The following TRABD2B variants were observed in gnomAD, a reference collection of about 807,000 sequenced individuals.
TRABD2B encodes the protein TraB domain containing 2B, also known as metalloprotease TIKI2.
A neutral mutation model predicts 40.1 loss-of-function variants in TRABD2B; 14 were observed. The observed-to-expected ratio is 0.35, with a 90% confidence interval of 0.23 to 0.55. The LOEUF (loss-of-function observed/expected upper bound fraction) is 0.55, where lower values mean the gene tolerates loss of function less well. Ranked by LOEUF, TRABD2B falls within the 20% of genes least tolerant of loss-of-function variation. TRABD2B has a pLI of 0.90. For missense variants in TRABD2B, 541 were observed against 648.6 expected (o/e 0.83, Z 1.80); for synonymous variants, 263 against 277.0 (o/e 0.95, Z 0.50).
At chr1:47,900,808 C>T (rs963908209) in intron 2 of TRABD2B, among the ~76,000 whole-genome samples, 2 of 152,126 alleles carry the variant, frequency 1.3e-5, no homozygotes, top group African/African-American at 4.8e-5. Flanking sequence ...GACCACAGGA[C>T]AGCATTTTTG....
intron 3 of TRABD2B, among the ~76,000 whole-genome samples, chr1:47,800,318 C>G (rs1644805365): frequency 6.6e-6 from 1 of 152,110 alleles, no homozygotes; most frequent in African/African-American, 2.4e-5. Flanking sequence ...TGGTTGGGGC[C>G]AGCCTCACTG....
intron 2 of TRABD2B, among the ~76,000 whole-genome samples, chr1:47,824,114 G>T (rs6668378): frequency 2.6e-5 from 4 of 152,006 alleles, no homozygotes; most frequent in African/African-American, 9.7e-5. Flanking sequence ...ACGGTGAAGT[G>T]GGGGCTGCTC....
At chr1:47,966,031 G>A (rs1403354201) in intron 2 of TRABD2B, among the ~76,000 whole-genome samples, 1 of 152,172 alleles carries the variant, frequency 6.6e-6, no homozygotes, top group African/African-American at 2.4e-5. Context: ...AGCCATACAT[G>A]TCACTTGAAG....
chr1:47,927,775 G>A (rs563704150), intron 2 of TRABD2B, among the ~76,000 whole-genome samples: 17 of 152,330 alleles, frequency 1.1e-4, no homozygotes, highest in South Asian at 2.1e-4. Context: ...CCTCATCTGC[G>A]AAATGGGAGA....
At chr1:47,905,229 A>T (rs1472884237) in intron 2 of TRABD2B, among the ~76,000 whole-genome samples, 1 of 152,252 alleles carries the variant, frequency 6.6e-6, no homozygotes. Context: ...GCAGGTTCTC[A>T]ATAAATAGTG....
chr1:47,787,338 C>G (rs1415536009), intron 4 of TRABD2B, among the ~76,000 whole-genome samples: 1 of 152,202 alleles, frequency 6.6e-6, no homozygotes, highest in African/African-American at 2.4e-5. Flanking sequence ...GACCTTGGAC[C>G]TAGCTCTGTC....
At chr1:47,954,425 C>T (rs1392537506) in intron 2 of TRABD2B, among the ~76,000 whole-genome samples, 2 of 152,136 alleles carry the variant, frequency 1.3e-5, no homozygotes, top group Non-Finnish European at 2.9e-5. Context: ...AGAGAAAAAT[C>T]AGACCTGCAA....
At chr1:47,976,571 C>T (rs770594586) in intron 2 of TRABD2B, among the ~76,000 whole-genome samples, 2 of 151,940 alleles carry the variant, frequency 1.3e-5, no homozygotes, top group African/African-American at 2.4e-5. Context: ...AAGAGCAATA[C>T]GTAAAATGTA....
chr1:47,775,885 A>G (rs1006125688), intron 5 of TRABD2B, among the ~76,000 whole-genome samples: 4 of 152,036 alleles, frequency 2.6e-5, no homozygotes, highest in Non-Finnish European at 4.4e-5. Flanking sequence ...CCAGCAGGTG[A>G]CATTTGAGCC....
intron 2 of TRABD2B, among the ~76,000 whole-genome samples, chr1:47,841,812 T>G (rs1570100650): frequency 7.0e-6 from 1 of 141,850 alleles, no homozygotes. Flanking sequence ...TGAGACAGAG[T>G]CTCGCTCTGT....
At chr1:47,892,461 T>A (rs1484798727) in intron 2 of TRABD2B, among the ~76,000 whole-genome samples, 2 of 152,242 alleles carry the variant, frequency 1.3e-5, no homozygotes, top group Non-Finnish European at 2.9e-5. Context: ...TCTGGATATA[T>A]GAATCCAGAG....
chr1:47,846,855 C>CAT (rs200811062), intron 2 of TRABD2B, among the ~76,000 whole-genome samples: 43,353 of 129,444 alleles, frequency 0.33, 7,244 homozygotes, highest in Non-Finnish European at 0.39. Flanking sequence ...TTAAAACATG[C>CAT]ATACACACAC....
chr1:47,855,751 G>C (rs1643883815), intron 2 of TRABD2B, among the ~76,000 whole-genome samples: 1 of 152,202 alleles, frequency 6.6e-6, no homozygotes, highest in Non-Finnish European at 1.5e-5. Context: ...TGCCCTTACA[G>C]GGAAAGACAC....
chr1:47,863,611 G>A (rs186850310), intron 2 of TRABD2B, among the ~76,000 whole-genome samples: 20 of 152,126 alleles, frequency 1.3e-4, no homozygotes, highest in African/African-American at 4.6e-4. Flanking sequence ...GCCCAGTGCT[G>A]GAGAGGATGT....
intron 2 of TRABD2B, among the ~76,000 whole-genome samples, chr1:47,812,758 A>G (rs957541540): frequency 3.3e-5 from 5 of 152,204 alleles, no homozygotes; most frequent in Non-Finnish European, 7.3e-5. Context: ...GAAAGTGTTA[A>G]CTGCAGAATG....
At chr1:47,850,778 A>G (rs963433484) in intron 2 of TRABD2B, among the ~76,000 whole-genome samples, 4 of 152,316 alleles carry the variant, frequency 2.6e-5, no homozygotes, top group Non-Finnish European at 4.4e-5. Context: ...CATGTCTTCT[A>G]TATCAGTGGT....
intron 2 of TRABD2B, among the ~76,000 whole-genome samples, chr1:47,951,711 G>C (rs565710793): frequency 6.6e-6 from 1 of 152,152 alleles, no homozygotes; most frequent in Non-Finnish European, 1.5e-5. Context: ...CTAGTAGCCC[G>C]GTGTCCTCTG....
chr1:47,953,588 CCTGTAA>C lies in TRABD2B; in HGVS notation c.666+40440_666+40445del, dbSNP rs1472076201. Among the ~76,000 whole-genome samples, 19 of 152,312 alleles carry C rather than the reference CCTGTAA, an allele frequency of 1.2e-4. 2 individuals carry two copies. In the East Asian group the frequency reaches 3.5e-3, roughly 28 times the overall value. ...TTGGGGTGGCCATACAATCAGGCAA[CCTGTAA>C]CTTACCAGCTCTGAGACCTTGAGCT... On this transcript the variant is annotated intron_variant, in intron 2 of 6. Coordinates refer to ENST00000606738, the MANE Select transcript of TRABD2B (RefSeq NM_001194986.2).
At chr1:47,797,995 T>TAGA (rs1203944997) in intron 3 of TRABD2B, among the ~76,000 whole-genome samples, 1 of 152,118 alleles carries the variant, frequency 6.6e-6, no homozygotes, top group Non-Finnish European at 1.5e-5. Flanking sequence ...ATCTAAACTC[T>TAGA]GCACCCCTTC....
Sources: allele counts gnomAD v4.1 joint callset (sites outside exome capture counted in the v4.1 genomes callset), GRCh38; gene constraint gnomAD v4.1.1; transcripts MANE v1.5; gene names NCBI Gene and HGNC (gene_info 2026-07-23, HGNC 2026-07-21).